KANK1: variants seen among roughly 807,000 people sequenced by gnomAD.
KANK1 encodes KN motif and ankyrin repeat domains 1, also known as KN motif and ankyrin repeat domain-containing protein 1.
Under a neutral mutation model 106.2 loss-of-function variants are expected in KANK1, and 109 were observed. The ratio of observed to expected loss-of-function variants is 1.03; its 90% CI spans 0.88 to 1.20. The LOEUF (loss-of-function observed/expected upper bound fraction) is 1.20, where lower values mean the gene tolerates loss of function less well. KANK1 is among the 50% of genes most tolerant of loss of function. The pLI is 0.00. For synonymous variants in KANK1, 873 were observed against 652.2 expected, an observed-to-expected ratio of 1.34 and a Z score of -5.16; for missense variants, 2,399 against 1,710.7, an observed-to-expected ratio of 1.40 and a Z score of -7.10.
At chr9:638,895 A>G (rs1298328100) in intron 1 of KANK1, among the ~76,000 whole-genome samples, 1 of 152,202 alleles carries the variant, frequency 6.6e-6, no homozygotes, top group Non-Finnish European at 1.5e-5. Flanking sequence ...AATGTCGACA[A>G]CTTAGGAGTA....
intron 3 of KANK1, among the ~76,000 whole-genome samples, chr9:497,521 T>C (rs962789115): frequency 3.3e-5 from 5 of 149,254 alleles, no homozygotes; most frequent in African/African-American, 1.3e-4. Flanking sequence ...CTGTAAAATA[T>C]TTGAGAAGGA....
chr9:659,656 C>T (rs59521969), intron 1 of KANK1, among the ~76,000 whole-genome samples: 22,648 of 151,522 alleles, frequency 0.15, 1,882 homozygotes, highest in Admixed American at 0.18. Flanking sequence ...TGGTGGATGG[C>T]GAAGGGGAAG....
intron 1 of KANK1, among the ~76,000 whole-genome samples, chr9:524,899 T>C (rs4742065): frequency 0.46 from 69,025 of 150,582 alleles, 18,278 homozygotes; most frequent in African/African-American, 0.72. Context: ...TTGAATTTCA[T>C]TTATACAGGT....
At chr9:714,543 A>C (rs1228697851) in intron 3 of KANK1, among the ~76,000 whole-genome samples, 4 of 151,782 alleles carry the variant, frequency 2.6e-5, no homozygotes, top group Non-Finnish European at 5.9e-5. Flanking sequence ...ATTTTAGTAG[A>C]GATAGGGTTT....
At chr9:721,951 C>A (rs1829448272) in intron 3 of KANK1, among the ~76,000 whole-genome samples, 1 of 152,204 alleles carries the variant, frequency 6.6e-6, no homozygotes, top group Non-Finnish European at 1.5e-5. Flanking sequence ...TTAGCCTTTC[C>A]CATCTCCATA....
chr9:634,578 C>G (rs1191940352), intron 1 of KANK1, among the ~76,000 whole-genome samples: 2 of 152,156 alleles, frequency 1.3e-5, no homozygotes, highest in Non-Finnish European at 2.9e-5. Context: ...TCCCATTATT[C>G]TAGTCTTGTG....
chr9:659,696 G>GA (rs1423330839), intron 1 of KANK1, among the ~76,000 whole-genome samples: 3 of 151,882 alleles, frequency 2.0e-5, no homozygotes, highest in African/African-American at 7.3e-5. Context: ...GGGAGCAGGA[G>GA]AAAAAGAGGG....
At chr9:607,440 G>A (rs576402477) in intron 1 of KANK1, among the ~76,000 whole-genome samples, 6 of 143,680 alleles carry the variant, frequency 4.2e-5, no homozygotes, top group Non-Finnish European at 6.0e-5. Flanking sequence ...AGCCAAGATC[G>A]TGCCATTGCA....
rs181231353 is a variant in KANK1, at chr9:575,894, A to G, written c.-84+71140A>G. On this transcript the variant is annotated intron_variant, in intron 1 of 11. Coordinates refer to ENST00000382297, the MANE Select transcript of KANK1 (RefSeq NM_015158.5). The stretch of plus-strand genomic sequence containing the variant: ...AAAAATTAGTCAGATGTAGTGGTGT[A>G]TGCCTATAATCCCAGCCACTTGAGA... 3.6e-3 allele frequency among the ~76,000 whole-genome samples: 544 copies of G among 152,232 alleles called. 3 individuals are homozygous for G. Among genetic ancestry groups the G allele is most frequent in the African/African-American group, 0.013 (525 of 41,530 alleles).
At chr9:649,866 G>A (rs6477081) in intron 1 of KANK1, among the ~76,000 whole-genome samples, 26,242 of 152,114 alleles carry the variant, frequency 0.17, 2,598 homozygotes, top group East Asian at 0.31. Flanking sequence ...GATGACAGTT[G>A]CGATGCAGCT....
intron 1 of KANK1, among the ~76,000 whole-genome samples, chr9:598,887 C>T (rs565199425): frequency 2.7e-5 from 4 of 150,478 alleles, no homozygotes; most frequent in Non-Finnish European, 4.4e-5. Context: ...CCTCCTCCAT[C>T]TCCCAAAGTG....
intron 10 of KANK1, among the ~76,000 whole-genome samples, chr9:744,079 T>G (rs1363421154): frequency 6.6e-6 from 1 of 152,184 alleles, no homozygotes; most frequent in Non-Finnish European, 1.5e-5. Flanking sequence ...CCGAGGTGGT[T>G]TAGGGTTTTA....
chr9:663,216 A>C (rs550694147), intron 1 of KANK1, among the ~76,000 whole-genome samples: 1 of 108,354 alleles, frequency 9.2e-6, no homozygotes, highest in Admixed American at 9.7e-5. Context: ...AAGCCTTTCA[A>C]ATCGTACTAA....
At chr9:573,360 C>T (rs1163473830) in intron 1 of KANK1, among the ~76,000 whole-genome samples, 1 of 152,116 alleles carries the variant, frequency 6.6e-6, no homozygotes, top group Non-Finnish European at 1.5e-5. Context: ...AGCTCCACCT[C>T]CTGGGTTCAC....
chr9:542,899 G>A (rs969351738), intron 1 of KANK1, among the ~76,000 whole-genome samples: 10 of 152,130 alleles, frequency 6.6e-5, no homozygotes, highest in Non-Finnish European at 4.4e-5. Context: ...GGAGATGAGC[G>A]GTGCTTGGGA....
At chr9:600,493 A>G (rs1827467566) in intron 1 of KANK1, among the ~76,000 whole-genome samples, 1 of 151,938 alleles carries the variant, frequency 6.6e-6, no homozygotes. Flanking sequence ...GTGGTAACAT[A>G]CGTAATAATC....
chr9:475,980 G>A (rs562175157), intron 3 of KANK1, among the ~76,000 whole-genome samples: 1 of 151,878 alleles, frequency 6.6e-6, no homozygotes, highest in East Asian at 2.0e-4. Context: ...AGCCTCCCGA[G>A]TAGCTGGGAT....
intron 10 of KANK1, among the ~76,000 whole-genome samples, chr9:743,207 A>G (rs888795805): frequency 6.6e-5 from 10 of 152,218 alleles, no homozygotes; most frequent in African/African-American, 2.4e-4. Flanking sequence ...GAGCTTCTTT[A>G]GCTCAAAACA....
chr9:616,504 G>T (rs1227917304), intron 1 of KANK1, among the ~76,000 whole-genome samples: 5 of 152,128 alleles, frequency 3.3e-5, no homozygotes, highest in Non-Finnish European at 5.9e-5. Context: ...ATAAATCAAA[G>T]AAATATTTCA....
Sources: allele counts gnomAD v4.1 joint callset (sites outside exome capture counted in the v4.1 genomes callset), GRCh38; gene constraint gnomAD v4.1.1; transcripts MANE v1.5; gene names NCBI Gene and HGNC (gene_info 2026-07-23, HGNC 2026-07-21).